Variants in PTPRR observed in about 807,000 individuals in gnomAD.
PTPRR encodes protein tyrosine phosphatase receptor type R, also known as receptor-type tyrosine-protein phosphatase R.
A neutral mutation model predicts 77.2 loss-of-function variants in PTPRR; 38 were observed. That is an observed-to-expected ratio of 0.49 (90% CI 0.38 to 0.65). The LOEUF (loss-of-function observed/expected upper bound fraction) is 0.65. Ranked by LOEUF, PTPRR falls within the 30% of genes least tolerant of loss-of-function variation. The probability of loss-of-function intolerance (pLI) is 0.00; values close to 1 mark genes in which losing one functional copy is unlikely to be tolerated. For synonymous variants in PTPRR, 299 were observed against 283.1 expected, an observed-to-expected ratio of 1.06 and a Z score of -0.57; for missense variants, 744 against 799.2, an observed-to-expected ratio of 0.93 and a Z score of 0.83.
intron 7 of PTPRR, among the ~76,000 whole-genome samples, chr12:70,700,895 C>T (rs1001609715): frequency 3.3e-5 from 5 of 152,138 alleles, no homozygotes; most frequent in African/African-American, 4.8e-5. Flanking sequence ...CCTTCTCTGC[C>T]CAGCTCCCTA....
chr12:70,732,205 T>A (rs1889685573), intron 6 of PTPRR, among the ~76,000 whole-genome samples: 1 of 152,222 alleles, frequency 6.6e-6, no homozygotes, highest in African/African-American at 2.4e-5. Flanking sequence ...TTACTCTTAT[T>A]TTTGATTAAG....
At chr12:70,863,592 T>C (rs893323250) in intron 2 of PTPRR, among the ~76,000 whole-genome samples, 6 of 152,000 alleles carry the variant, frequency 3.9e-5, no homozygotes, top group African/African-American at 1.5e-4. Flanking sequence ...GCAAGCTGAT[T>C]CCTAAAATGG....
intron 2 of PTPRR, among the ~76,000 whole-genome samples, chr12:70,769,740 T>C (rs1298641476): frequency 2.0e-5 from 3 of 151,776 alleles, no homozygotes; most frequent in South Asian, 4.2e-4. Flanking sequence ...GGAGGCATCA[T>C]GCTACCTCAC....
chr12:70,643,744 T>A (rs532180502), intron 13 of PTPRR, among the ~76,000 whole-genome samples: 1 of 151,912 alleles, frequency 6.6e-6, no homozygotes, highest in South Asian at 2.1e-4. Flanking sequence ...TTCTGGGAGG[T>A]GAGAAACAAG....
chr12:70,843,401 T>C (rs1592788558), intron 2 of PTPRR, among the ~76,000 whole-genome samples: 1 of 152,228 alleles, frequency 6.6e-6, no homozygotes, highest in African/African-American at 2.4e-5. Context: ...AAATATTTAT[T>C]GTGTGCTAAG....
intron 2 of PTPRR, among the ~76,000 whole-genome samples, chr12:70,832,648 C>G (rs191391915): frequency 6.6e-6 from 1 of 152,024 alleles, no homozygotes; most frequent in Admixed American, 6.6e-5. Context: ...GGATAGGAAC[C>G]AAGAGGATAT....
At chr12:70,788,677 T>C in intron 2 of PTPRR, 4 of 678,760 alleles carry the variant, frequency 5.9e-6, no homozygotes, top group South Asian at 1.7e-5. Flanking sequence ...GATATTTCCC[T>C]AGATATCACA....
At position 70,795,244 on chromosome 12, in the gene PTPRR, C is replaced by T. The variant is rs7315799; in HGVS notation, c.358-30466G>A. ...CTCAGGGGCTCTTTTGTTACACACC[C>T]AACTTATATTAAATTACATCTCCTA... On this transcript the variant is annotated intron_variant, in intron 2 of 13. Coordinates refer to ENST00000283228, the MANE Select transcript of PTPRR (RefSeq NM_002849.4). Among the ~76,000 whole-genome samples the T allele has an allele frequency of 9.9e-3, 1,509 of 152,260 alleles. 28 individuals carry two copies. The highest frequency in any genetic ancestry group is 0.034 in the African/African-American group (1,412 of 41,542).
At chr12:70,722,681 T>G (rs1169615760) in intron 6 of PTPRR, among the ~76,000 whole-genome samples, 1 of 152,106 alleles carries the variant, frequency 6.6e-6, no homozygotes, top group African/African-American at 2.4e-5. Flanking sequence ...GGGATAAGAC[T>G]CATTATGAAG....
At chr12:70,891,807 C>G (rs193271856) in intron 2 of PTPRR, among the ~76,000 whole-genome samples, 3 of 152,062 alleles carry the variant, frequency 2.0e-5, no homozygotes, top group Admixed American at 2.0e-4. Context: ...GATTTAATTA[C>G]ATTTGGTGCA....
At chr12:70,686,260 A>G (rs1887866009) in intron 8 of PTPRR, among the ~76,000 whole-genome samples, 1 of 152,218 alleles carries the variant, frequency 6.6e-6, no homozygotes, top group Admixed American at 6.5e-5. Flanking sequence ...GAGGTGAGGT[A>G]GGAAGTACTA....
chr12:70,842,347 G>A (rs976359459), intron 2 of PTPRR, among the ~76,000 whole-genome samples: 2 of 152,242 alleles, frequency 1.3e-5, no homozygotes, highest in South Asian at 4.1e-4. Context: ...GCATAAAGAT[G>A]AGCTGTTAGA....
At chr12:70,870,617 C>T (rs1478457241) in intron 2 of PTPRR, among the ~76,000 whole-genome samples, 1 of 152,170 alleles carries the variant, frequency 6.6e-6, no homozygotes, top group East Asian at 1.9e-4. Context: ...TACAATAAAA[C>T]CTCCTGTCAC....
chr12:70,742,247 G>A (rs1890071150), intron 6 of PTPRR, among the ~76,000 whole-genome samples: 1 of 152,176 alleles, frequency 6.6e-6, no homozygotes, highest in Non-Finnish European at 1.5e-5. Context: ...AATCAGAAAA[G>A]GGCTGAGATT....
intron 13 of PTPRR, among the ~76,000 whole-genome samples, chr12:70,647,610 G>A (rs954566858): frequency 1.6e-4 from 24 of 152,216 alleles, no homozygotes; most frequent in African/African-American, 5.8e-4. Context: ...TAGCTTTATA[G>A]CAATTGGTAT....
chr12:70,709,419 G>A (rs1565659083), intron 6 of PTPRR, among the ~76,000 whole-genome samples: 2 of 152,084 alleles, frequency 1.3e-5, no homozygotes, highest in Non-Finnish European at 2.9e-5. Context: ...AGACAAGAAT[G>A]CTTTCACCAC....
intron 2 of PTPRR, among the ~76,000 whole-genome samples, chr12:70,805,158 T>C (rs1342926654): frequency 6.6e-6 from 1 of 152,126 alleles, no homozygotes; most frequent in East Asian, 1.9e-4. Context: ...TAGCATTGTA[T>C]AAATATTTTA....
chr12:70,694,825 ACTT>A (rs1722559911), intron 8 of PTPRR, among the ~76,000 whole-genome samples: 1 of 152,098 alleles, frequency 6.6e-6, no homozygotes, highest in African/African-American at 2.4e-5. Flanking sequence ...AAAAATTTAA[ACTT>A]ATTATTACAG....
At chr12:70,763,332 C>A (rs1890736316) in intron 3 of PTPRR, among the ~76,000 whole-genome samples, 1 of 152,036 alleles carries the variant, frequency 6.6e-6, no homozygotes, top group African/African-American at 2.4e-5. Flanking sequence ...GGGGTTTTAC[C>A]ATGTTGGCCA....
Sources: allele counts gnomAD v4.1 joint callset (sites outside exome capture counted in the v4.1 genomes callset), GRCh38; gene constraint gnomAD v4.1.1; transcripts MANE v1.5; gene names NCBI Gene and HGNC (gene_info 2026-07-23, HGNC 2026-07-21).